Variants in PDE4D observed in about 807,000 individuals in gnomAD.
The protein encoded by PDE4D is phosphodiesterase 4D, also known as 3',5'-cyclic-AMP phosphodiesterase 4D.
Under a neutral mutation model 87.4 loss-of-function variants are expected in PDE4D, and 24 were observed. The ratio of observed to expected loss-of-function variants is 0.27; its 90% CI spans 0.20 to 0.39. PDE4D has a LOEUF of 0.39. PDE4D is among the 10% of genes least tolerant of loss of function. The pLI is 1.00. For missense variants in PDE4D, 714 were observed against 1,041.0 expected (o/e 0.69, Z 4.32); for synonymous variants, 384 against 383.2 (o/e 1.00, Z -0.02).
chr5:58,988,168 CTT>C (rs1363081691), intron 11 of PDE4D, among the ~76,000 whole-genome samples: 1 of 151,422 alleles, frequency 6.6e-6, no homozygotes, highest in Non-Finnish European at 1.5e-5. Flanking sequence ...ATTCTCATAA[CTT>C]TTTTTTTAAT....
At chr5:59,204,306 C>T (rs27172) in intron 2 of PDE4D, among the ~76,000 whole-genome samples, 69,451 of 151,728 alleles carry the variant, frequency 0.46, 16,733 homozygotes, top group African/African-American at 0.6. Context: ...CTGAAGTTTA[C>T]GCAACATAAG....
chr5:59,312,035 C>G (rs1772775063), intron 1 of PDE4D, among the ~76,000 whole-genome samples: 1 of 152,142 alleles, frequency 6.6e-6, no homozygotes. Context: ...GATCCTCCCC[C>G]TATTTATCCC....
At chr5:60,490,732 C>G (rs971380990), upstream of PDE4D, 2 of 152,170 alleles carry the variant, frequency 1.3e-5, no homozygotes, top group African/African-American at 4.8e-5. Context: ...ACCCCGCAAA[C>G]AAGAATTAAG....
intron 2 of PDE4D, among the ~76,000 whole-genome samples, chr5:60,107,653 A>T (rs139070413): frequency 0.51 from 78,068 of 151,932 alleles, 20,499 homozygotes; most frequent in Admixed American, 0.56. Context: ...CAAAAAGTTT[A>T]TCCACCATGA....
intron 3 of PDE4D, among the ~76,000 whole-genome samples, chr5:59,955,823 A>T (rs537657497): frequency 3.8e-4 from 57 of 151,978 alleles, no homozygotes; most frequent in South Asian, 1.3e-3. Flanking sequence ...TCCCTTCTCC[A>T]TAGGGAAATG....
intron 1 of PDE4D, among the ~76,000 whole-genome samples, chr5:59,553,542 AT>A (rs1434781282): frequency 6.6e-6 from 1 of 152,200 alleles, no homozygotes; most frequent in Non-Finnish European, 1.5e-5. Context: ...CAGTAGTAAG[AT>A]TCCTAACAGA....
chr5:59,337,131 A>G (rs1561984499), intron 1 of PDE4D, among the ~76,000 whole-genome samples: 1 of 152,212 alleles, frequency 6.6e-6, no homozygotes, highest in Non-Finnish European at 1.5e-5. Context: ...GGATGAAGGA[A>G]GAAGACAGGA....
intron 2 of PDE4D, among the ~76,000 whole-genome samples, chr5:59,211,445 A>T (rs899999079): frequency 9.2e-5 from 14 of 152,090 alleles, no homozygotes; most frequent in African/African-American, 3.4e-4. Context: ...TTCTTAATCA[A>T]ATTTTGATAC....
At chr5:60,191,045 T>G (rs1356201545) in intron 1 of PDE4D, among the ~76,000 whole-genome samples, 1 of 152,152 alleles carries the variant, frequency 6.6e-6, no homozygotes, top group East Asian at 1.9e-4. Flanking sequence ...GCCCTTTAAT[T>G]TTTGTTCTCT....
At chr5:59,717,048 A>G (rs1755133441) in intron 1 of PDE4D, among the ~76,000 whole-genome samples, 1 of 152,152 alleles carries the variant, frequency 6.6e-6, no homozygotes, top group Non-Finnish European at 1.5e-5. Flanking sequence ...TTCCTTAGGG[A>G]TAAAACCCTT....
Position 59,189,808 on chromosome 5 carries a change from C to G in PDE4D, c.684+3692G>C, listed in dbSNP as rs185280775. Among the ~76,000 whole-genome samples, 32 of 152,290 alleles carry G rather than the reference C, an allele frequency of 2.1e-4. No individual in the cohort carries two copies. In the East Asian group the frequency reaches 4.2e-3, roughly 20 times the overall value. On this transcript the variant is annotated intron_variant, in intron 3 of 14. Coordinates refer to ENST00000340635, the MANE Select transcript of PDE4D (RefSeq NM_001104631.2). ...ATAAGAAAAATATTTAAAGCTGTCA[C>G]TTTTTCTGAGGACCAAAGGGATTCT...
chr5:59,609,382 A>ACACACACACACACG (rs1828679261), intron 1 of PDE4D, among the ~76,000 whole-genome samples: 1 of 151,646 alleles, frequency 6.6e-6, no homozygotes, highest in Admixed American at 6.6e-5. Context: ...ATATGTACAC[A>ACACACACACACACG]CACACACACA....
At chr5:59,400,465 C>T (rs1305365211) in intron 1 of PDE4D, among the ~76,000 whole-genome samples, 3 of 147,312 alleles carry the variant, frequency 2.0e-5, no homozygotes, top group Non-Finnish European at 4.5e-5. Context: ...TCATCATTCT[C>T]AGTAAACTAT....
intron 2 of PDE4D, among the ~76,000 whole-genome samples, chr5:60,171,706 A>G (rs941852040): frequency 2.0e-5 from 3 of 152,092 alleles, no homozygotes; most frequent in African/African-American, 7.2e-5. Flanking sequence ...TAAGGCCTGT[A>G]TGGCCACTTA....
At chr5:60,506,405 C>T (rs2150250875) in intron 1 of PDE4D, among the ~76,000 whole-genome samples, 1 of 152,258 alleles carries the variant, frequency 6.6e-6, no homozygotes, top group South Asian at 2.1e-4. Flanking sequence ...AATGCAAAAG[C>T]ACTACTGAGG....
intron 1 of PDE4D, among the ~76,000 whole-genome samples, chr5:59,704,660 G>T (rs529572502): frequency 9.9e-5 from 15 of 152,222 alleles, no homozygotes; most frequent in Admixed American, 9.2e-4. Flanking sequence ...GGTATTTTCT[G>T]TTGTTCAAAA....
intron 2 of PDE4D, among the ~76,000 whole-genome samples, chr5:60,011,948 T>C (rs1189865394): frequency 1.3e-5 from 2 of 152,102 alleles, no homozygotes; most frequent in African/African-American, 2.4e-5. Context: ...CCATTCTAAA[T>C]ATGTAGATGC....
intron 5 of PDE4D, among the ~76,000 whole-genome samples, chr5:59,070,325 G>T (rs12652499): frequency 6.6e-6 from 1 of 151,810 alleles, no homozygotes; most frequent in Non-Finnish European, 1.5e-5. Flanking sequence ...TAAAAAAAGA[G>T]ATCTCCTGCA....
chr5:60,252,785 T>C (rs1199163692), intron 1 of PDE4D, among the ~76,000 whole-genome samples: 1 of 151,860 alleles, frequency 6.6e-6, no homozygotes, highest in Non-Finnish European at 1.5e-5. Flanking sequence ...CTCCTCCTCA[T>C]GGATCCCTCT....
Sources: allele counts gnomAD v4.1 joint callset (sites outside exome capture counted in the v4.1 genomes callset), GRCh38; gene constraint gnomAD v4.1.1; transcripts MANE v1.5; gene names NCBI Gene and HGNC (gene_info 2026-07-23, HGNC 2026-07-21).